The following DMD variants were observed in gnomAD, a reference collection of about 807,000 sequenced individuals.
The protein encoded by DMD is dystrophin.
A neutral mutation model predicts 330.1 loss-of-function variants in DMD; 63 were observed. The observed-to-expected ratio is 0.19, with a 90% confidence interval of 0.16 to 0.24. The LOEUF (loss-of-function observed/expected upper bound fraction) is 0.24. DMD is among the 10% of genes least tolerant of loss of function. DMD has a pLI of 1.00. For synonymous variants in DMD, 1,223 were observed against 959.8 expected, an observed-to-expected ratio of 1.27 and a Z score of -5.07; for missense variants, 3,344 against 2,684.1, an observed-to-expected ratio of 1.25 and a Z score of -5.43.
intron 63 of DMD, 95 bp from the exon 64 acceptor site, chrX:31,223,216 A>T (rs1569482109): frequency 1.3e-6 from 1 of 758,893 alleles, no homozygotes; most frequent in Non-Finnish European, 2.1e-6. Flanking sequence ...AACTACAACC[A>T]CCACAAAAAT....
intron 9 of DMD, among the ~76,000 whole-genome samples, chrX:32,674,945 G>A (rs540700150): frequency 1.4e-4 from 15 of 111,023 alleles, no homozygotes; most frequent in African/African-American, 4.6e-4. Flanking sequence ...AAATAATACA[G>A]GATATAATAG....
chrX:32,458,764 T>C (rs1404146622), intron 25 of DMD, among the ~76,000 whole-genome samples: 1 of 111,892 alleles, frequency 8.9e-6, no homozygotes, highest in African/African-American at 3.2e-5. Context: ...CACCTTTTCA[T>C]ATACCTGTTG....
At chrX:31,819,901 C>T (rs1281728228) in intron 50 of DMD, 74 bp downstream of exon 50, 1 of 838,601 alleles carries the variant, frequency 1.2e-6, no homozygotes, top group East Asian at 3.1e-5. Context: ...TTCTCTCTCA[C>T]CCAGTCATCA....
intron 63 of DMD, among the ~76,000 whole-genome samples, chrX:31,234,392 C>G: frequency 8.9e-6 from 1 of 112,516 alleles, no homozygotes; most frequent in East Asian, 2.8e-4. Context: ...CCACCTTTTA[C>G]TAATGCATTC....
chrX:32,925,671 G>A (rs1343308856), intron 2 of DMD, among the ~76,000 whole-genome samples: 1 of 111,957 alleles, frequency 8.9e-6, no homozygotes, highest in Non-Finnish European at 1.9e-5. Flanking sequence ...TGTAGTACAT[G>A]ATAACTAAAA....
intron 64 of DMD, among the ~76,000 whole-genome samples, chrX:31,217,559 G>C (rs1034045581): frequency 4.5e-5 from 5 of 112,294 alleles, no homozygotes; most frequent in Admixed American, 2.8e-4. Context: ...TAAAGTTAGA[G>C]TTGGTAGAAG....
At chrX:32,617,019 G>C (rs919113040) in intron 11 of DMD, among the ~76,000 whole-genome samples, 1 of 109,941 alleles carries the variant, frequency 9.1e-6, no homozygotes, top group Non-Finnish European at 1.9e-5. Context: ...TAAACTAGAA[G>C]TTGAGATGAC....
At chrX:32,425,661 A>G (rs1392414735) in intron 29 of DMD, among the ~76,000 whole-genome samples, 1 of 111,407 alleles carries the variant, frequency 9.0e-6, no homozygotes, top group Non-Finnish European at 1.9e-5. Context: ...TCACTTTGGA[A>G]CACAGAGACT....
chrX:33,306,587 T>A (rs1052669501), intron 1 of DMD, among the ~76,000 whole-genome samples: 2 of 109,976 alleles, frequency 1.8e-5, no homozygotes, highest in African/African-American at 6.6e-5. Flanking sequence ...GTGGGGGACA[T>A]GGAGGGGAAA....
intron 55 of DMD, among the ~76,000 whole-genome samples, chrX:31,573,105 G>T (rs745713269): frequency 1.1e-3 from 120 of 111,482 alleles, no homozygotes; most frequent in Admixed American, 3.0e-3. Context: ...AGGAGAGGAT[G>T]AAATTTGTGA....
chrX:32,372,632 C>A (rs750841721), intron 34 of DMD, among the ~76,000 whole-genome samples: 3 of 111,594 alleles, frequency 2.7e-5, no homozygotes, highest in Non-Finnish European at 3.8e-5. Flanking sequence ...ATGCAGCTAG[C>A]TAGGATTGAT....
chrX:31,742,411 C>A (rs2087433486), intron 51 of DMD, among the ~76,000 whole-genome samples: 1 of 111,602 alleles, frequency 9.0e-6, no homozygotes, highest in Middle Eastern at 4.2e-3. Context: ...TTTTTTTTCC[C>A]ATGAACACTT....
chrX:31,479,378 T>C (rs755776616), intron 57 of DMD, among the ~76,000 whole-genome samples: 3 of 112,051 alleles, frequency 2.7e-5, no homozygotes, highest in Admixed American at 9.5e-5. Context: ...TTTGTTTATG[T>C]AACCTGACAG....
At chrX:32,959,433 T>C (rs1238064566) in intron 2 of DMD, among the ~76,000 whole-genome samples, 1 of 111,629 alleles carries the variant, frequency 9.0e-6, no homozygotes, top group African/African-American at 3.3e-5. Flanking sequence ...TTTTGTTCAT[T>C]GTCTTGAGGA....
At chrX:32,751,863 A>G (rs113242630) in intron 7 of DMD, among the ~76,000 whole-genome samples, 1 of 112,837 alleles carries the variant, frequency 8.9e-6, no homozygotes, top group African/African-American at 3.2e-5. Flanking sequence ...GGGCCGAGGT[A>G]CAGCTTGGGC....
chrX:32,727,217 C>T (rs1243650055), intron 7 of DMD, among the ~76,000 whole-genome samples: 1 of 111,347 alleles, frequency 9.0e-6, no homozygotes, highest in Non-Finnish European at 1.9e-5. Flanking sequence ...CTCTAATCTG[C>T]ACTAGAGAAG....
At chrX:31,709,437 T>C (rs375990609) in intron 52 of DMD, among the ~76,000 whole-genome samples, 11 of 111,924 alleles carry the variant, frequency 9.8e-5, no homozygotes, top group African/African-American at 3.6e-4. Flanking sequence ...GCAATAATGC[T>C]TGTTCTTACA....
intron 2 of DMD, among the ~76,000 whole-genome samples, chrX:32,871,423 G>A (rs5928097): frequency 0.044 from 4,901 of 110,746 alleles, 107 homozygotes; most frequent in Middle Eastern, 0.11. Flanking sequence ...ATTAACTGAT[G>A]CCTTCCCTCA....
chrX:33,306,961 T>C (rs147380121), intron 1 of DMD, among the ~76,000 whole-genome samples: 5,520 of 111,838 alleles, frequency 0.049, 151 homozygotes, highest in Middle Eastern at 0.12. Context: ...GATATTAATA[T>C]TTAGCTCATT....
Sources: allele counts gnomAD v4.1 joint callset (sites outside exome capture counted in the v4.1 genomes callset), GRCh38; gene constraint gnomAD v4.1.1; transcripts MANE v1.5; gene names NCBI Gene and HGNC (gene_info 2026-07-23, HGNC 2026-07-21).